The following LRRTM4 variants were observed in gnomAD, a reference collection of about 807,000 sequenced individuals.
LRRTM4 encodes the protein leucine-rich repeat transmembrane neuronal protein 4.
A neutral mutation model predicts 47.6 loss-of-function variants in LRRTM4; 25 were observed. That is an observed-to-expected ratio of 0.53 (90% CI 0.38 to 0.73). The LOEUF is 0.73. Ranked by LOEUF, LRRTM4 falls within the 30% of genes least tolerant of loss-of-function variation. The pLI, the probability that LRRTM4 is intolerant of heterozygous loss-of-function variation, is 0.00. For synonymous variants in LRRTM4, 311 were observed against 269.5 expected, an observed-to-expected ratio of 1.15 and a Z score of -1.51; for missense variants, 638 against 713.4, an observed-to-expected ratio of 0.89 and a Z score of 1.20.
At chr2:76,966,147 A>T in intron 3 of LRRTM4, among the ~76,000 whole-genome samples, 1 of 151,652 alleles carries the variant, frequency 6.6e-6, no homozygotes, top group Non-Finnish European at 1.5e-5. Context: ...CAGGTTTTAT[A>T]GTAAATGGCA....
intron 3 of LRRTM4, among the ~76,000 whole-genome samples, chr2:76,779,886 G>C (rs548999029): frequency 1.3e-3 from 203 of 151,986 alleles, no homozygotes; most frequent in African/African-American, 4.6e-3. Context: ...GCATGATTTT[G>C]CAGCGGCTGG....
At chr2:77,399,434 C>T (rs139730805) in intron 3 of LRRTM4, among the ~76,000 whole-genome samples, 187 of 151,774 alleles carry the variant, frequency 1.2e-3, no homozygotes, top group African/African-American at 4.3e-3. Context: ...ACATTTAACT[C>T]ATAAAAATAG....
chr2:77,499,128 T>C (rs1358284432), intron 3 of LRRTM4, among the ~76,000 whole-genome samples: 1 of 151,880 alleles, frequency 6.6e-6, no homozygotes, highest in Non-Finnish European at 1.5e-5. Context: ...TAATTGGCAA[T>C]ATCTGGAGAC....
intron 3 of LRRTM4, among the ~76,000 whole-genome samples, chr2:77,249,752 G>A (rs1675552275): frequency 6.6e-6 from 1 of 152,176 alleles, no homozygotes; most frequent in Non-Finnish European, 1.5e-5. Flanking sequence ...TTGGAGGACA[G>A]TTTAACTGTT....
chr2:77,034,873 G>A (rs753957820), intron 3 of LRRTM4, among the ~76,000 whole-genome samples: 2 of 151,690 alleles, frequency 1.3e-5, no homozygotes, highest in African/African-American at 2.4e-5. Context: ...ATTCTATAAA[G>A]AGAAGATTTC....
intron 3 of LRRTM4, among the ~76,000 whole-genome samples, chr2:77,269,719 C>T (rs1676143253): frequency 6.6e-6 from 1 of 152,112 alleles, no homozygotes; most frequent in Non-Finnish European, 1.5e-5. Context: ...AGTTCTTTTT[C>T]TTTCAGTGCA....
At chr2:77,238,984 C>A (rs1675187458) in intron 3 of LRRTM4, among the ~76,000 whole-genome samples, 1 of 151,438 alleles carries the variant, frequency 6.6e-6, no homozygotes, top group Non-Finnish European at 1.5e-5. Context: ...AGTATATAAA[C>A]CTACAAGGTA....
intron 3 of LRRTM4, among the ~76,000 whole-genome samples, chr2:77,416,927 A>G (rs547752555): frequency 4.6e-5 from 7 of 152,292 alleles, no homozygotes; most frequent in Admixed American, 2.0e-4. Context: ...TCTGCAAAGC[A>G]AAAGAAACTA....
rs1028454715 is a variant in LRRTM4 at position 77,141,914 on chromosome 2, C to A, written c.1551+376404G>T. On this transcript the variant is annotated intron_variant, in intron 3 of 3. Transcript: ENST00000409884. ...GTAGATAATAGAGAGACAATATGAG[C>A]CAAGGGCTTCAACACCCAAGTCTTC... Among the ~76,000 whole-genome samples the A allele has an allele frequency of 1.3e-4, 20 of 152,094 alleles. 1 individual carries two copies. Among genetic ancestry groups the A allele is most frequent in the Admixed American group, 1.3e-3 (20 of 15,254 alleles).
chr2:76,794,388 T>G (rs1675145495), intron 3 of LRRTM4, among the ~76,000 whole-genome samples: 2 of 152,188 alleles, frequency 1.3e-5, no homozygotes, highest in African/African-American at 2.4e-5. Context: ...ACCACTACAG[T>G]CCCTAAATAC....
At chr2:76,928,811 G>GA (rs141790934) in intron 3 of LRRTM4, among the ~76,000 whole-genome samples, 9 of 151,844 alleles carry the variant, frequency 5.9e-5, no homozygotes, top group East Asian at 3.9e-4. Context: ...TTTACACTGT[G>GA]AAAAAAAATT....
intron 3 of LRRTM4, among the ~76,000 whole-genome samples, chr2:77,386,014 C>T (rs376101312): frequency 1.4e-4 from 22 of 151,942 alleles, no homozygotes; most frequent in East Asian, 7.7e-4. Flanking sequence ...ACCTCGGCCT[C>T]CCAAAGTGCT....
intron 3 of LRRTM4, among the ~76,000 whole-genome samples, chr2:76,997,448 G>T (rs769899775): frequency 6.6e-6 from 1 of 151,998 alleles, no homozygotes; most frequent in Admixed American, 6.6e-5. Flanking sequence ...GCCTCATCAC[G>T]CATGAACACT....
intron 3 of LRRTM4, among the ~76,000 whole-genome samples, chr2:77,362,565 C>A (rs1175455944): frequency 6.6e-6 from 1 of 152,146 alleles, no homozygotes; most frequent in Admixed American, 6.5e-5. Context: ...AGATATCATC[C>A]TAAAACTGAT....
chr2:76,868,733 T>A (rs1672535630), intron 3 of LRRTM4, among the ~76,000 whole-genome samples: 1 of 152,128 alleles, frequency 6.6e-6, no homozygotes, highest in African/African-American at 2.4e-5. Flanking sequence ...GTCCCTTAAA[T>A]AAAGAGAAGC....
At chr2:76,796,610 G>C (rs1204894098) in intron 3 of LRRTM4, among the ~76,000 whole-genome samples, 2 of 109,936 alleles carry the variant, frequency 1.8e-5, no homozygotes, top group Admixed American at 9.2e-5. Context: ...CTCTCTGTTA[G>C]AAGGAAAACT....
chr2:77,230,408 T>G (rs1384888397), intron 3 of LRRTM4, among the ~76,000 whole-genome samples: 1 of 152,196 alleles, frequency 6.6e-6, no homozygotes, highest in East Asian at 1.9e-4. Context: ...GATATAGAGA[T>G]AATGATCTAG....
At chr2:76,833,046 A>G (rs1237816169) in intron 3 of LRRTM4, among the ~76,000 whole-genome samples, 1 of 152,100 alleles carries the variant, frequency 6.6e-6, no homozygotes, top group Non-Finnish European at 1.5e-5. Flanking sequence ...GTGATGTTGA[A>G]TTGTTTAAAG....
chr2:77,416,844 T>G (rs889773561), intron 3 of LRRTM4, among the ~76,000 whole-genome samples: 2 of 152,062 alleles, frequency 1.3e-5, no homozygotes, highest in African/African-American at 4.8e-5. Context: ...TGTAATATTT[T>G]ATTTTTTTAG....
Sources: gnomAD v4.1 joint callset for allele counts (sites outside exome capture counted in the v4.1 genomes callset) on GRCh38, gnomAD v4.1.1 for gene constraint, MANE v1.5 for transcripts, NCBI Gene and HGNC (gene_info 2026-07-23, HGNC 2026-07-21) for gene names.